The following PSG1 variants were observed in gnomAD, a reference collection of about 807,000 sequenced individuals.
PSG1 encodes pregnancy specific beta-1-glycoprotein 1, also known as pregnancy-specific beta-1-glycoprotein 1.
PSG1 carries 60 observed loss-of-function variants against 41.4 expected under a neutral mutation model. The ratio of observed to expected loss-of-function variants is 1.45; its 90% CI spans 1.18 to 1.80. The LOEUF (loss-of-function observed/expected upper bound fraction) is 1.80. PSG1 is among the 40% of genes most tolerant of loss of function. PSG1 has a pLI of 0.00. For synonymous variants in PSG1, 256 were observed against 192.9 expected, an observed-to-expected ratio of 1.33 and a Z score of -2.71; for missense variants, 806 against 516.9, an observed-to-expected ratio of 1.56 and a Z score of -5.42.
At position 42,869,012 on chromosome 19, in the gene PSG1, G is replaced by A. The variant is rs1337407991; in HGVS notation, c.732C>T (p.Ile244=). ...NLLPKLPKPY[I]TINNLNPREN... ...CCCTGGGGTTTAAGTTGTTGATGGTGATGTAGGGCTTGGGCAGCTTCGCTG... is the reference window on the plus strand; with the variant it reads ...CCCTGGGGTTTAAGTTGTTGATGGTAATGTAGGGCTTGGGCAGCTTCGCTG... The change falls in exon 4 of 6, where the codon ATC becomes ATT. Residue 244 remains isoleucine (I), a synonymous_variant. Transcript: ENST00000436291. 21 of 1,610,758 alleles carry A rather than the reference G, an allele frequency of 1.3e-5. 1 individual carries two copies. Among genetic ancestry groups the A allele is most frequent in the Non-Finnish European group, 1.8e-5 (21 of 1,179,060 alleles).
chr19:42,878,017 A>G lies in PSG1; in HGVS notation c.326T>C (p.Ile109Thr), dbSNP rs1231711248. 1 of 1,612,428 alleles carries G rather than the reference A, an allele frequency of 6.2e-7. No homozygotes were observed. Among genetic ancestry groups the G allele is most frequent in the Admixed American group, 1.7e-5 (1 of 59,886 alleles). The change falls in exon 2 of 6, where the codon ATC becomes ACC. Residue 109 changes from isoleucine to threonine, a missense_variant. By Grantham distance (89) the Ile-to-Thr change is moderately conservative. Coordinates refer to ENST00000436291, the MANE Select transcript of PSG1 (RefSeq NM_001184825.2). ...TGCGTCCTCCCGGGTGACATTCTGG[A>G]TCAGCAGGGATGCATTGGAATATGC... ...ETAYSNASLL[I>T]QNVTREDAGS...
In PSG1 at chr19:42,868,108, T is replaced by A; in HGVS notation, c.1236A>T (p.Glu412Asp). Residue 412 changes from glutamate (E) to aspartate (D), a missense_variant, in exon 5 of 6, where the codon GAA becomes GAT. Glu to Asp is a conservative substitution (Grantham distance 45). Transcript: ENST00000436291. ...ATGCTGGGATCCACTTACCAGAGAC[T>A]TCGACTGTCATGGATTTGGAGCTTT... ...GKESSKSMTVEVSDWTVP is the reference protein window; with the variant it reads ...GKESSKSMTVDVSDWTVP The A allele has an allele frequency of 6.2e-7, 1 of 1,612,404 alleles. No individual in the cohort carries two copies.
At chr19:42,872,751 A>T (rs1272097586) in intron 2 of PSG1, among the ~76,000 whole-genome samples, 1 of 151,742 alleles carries the variant, frequency 6.6e-6, no homozygotes, top group Admixed American at 6.6e-5. Flanking sequence ...CTTTGGACCA[A>T]GACCATGTTC....
intron 2 of PSG1, among the ~76,000 whole-genome samples, chr19:42,875,104 G>A (rs1971549516): frequency 6.6e-6 from 1 of 151,724 alleles, no homozygotes; most frequent in Non-Finnish European, 1.5e-5. Context: ...TCAGTGCAGA[G>A]ATTACAACAG....
intron 2 of PSG1, among the ~76,000 whole-genome samples, chr19:42,877,639 G>A (rs1204654498): frequency 6.6e-6 from 1 of 151,690 alleles, no homozygotes; most frequent in Non-Finnish European, 1.5e-5. Flanking sequence ...AGGGCATGAG[G>A]TGCTTGGCTG....
At chr19:42,867,778 A>G (rs989888020) in intron 5 of PSG1, 1 of 1,023,894 alleles carries the variant, frequency 9.8e-7, no homozygotes. Flanking sequence ...AAATTCCATC[A>G]ATGTAGAAAA....
chr19:42,878,505 C>A (rs995818127), intron 1 of PSG1: 2 of 740,222 alleles, frequency 2.7e-6, no homozygotes, highest in Non-Finnish European at 4.0e-6. Flanking sequence ...AGCAGCATGA[C>A]GCCCATTCCT....
At chr19:42,871,745 C>T (rs1971394049) in intron 3 of PSG1, 22 bp downstream of exon 3, 1 of 1,612,632 alleles carries the variant, frequency 6.2e-7, no homozygotes, top group African/African-American at 1.3e-5. Flanking sequence ...GCCTGGCTCA[C>T]AGAGGAACAG....
chr19:42,871,509 G>C (rs571657990), intron 3 of PSG1, among the ~76,000 whole-genome samples: 5 of 151,844 alleles, frequency 3.3e-5, no homozygotes, highest in African/African-American at 1.2e-4. Flanking sequence ...CACAGATCTG[G>C]AGCCTGAGAC....
chr19:42,870,132 G>A (rs1481386568), intron 3 of PSG1: 3 of 151,800 alleles, frequency 2.0e-5, no homozygotes, highest in Non-Finnish European at 4.4e-5. Context: ...AGTTATGCAA[G>A]GTGGGGAGGT....
chr19:42,878,561 C>T (rs10416386), intron 1 of PSG1: 110,065 of 422,426 alleles, frequency 0.26, 17,917 homozygotes, highest in African/African-American at 0.42. Flanking sequence ...ATCCTCTTCC[C>T]CAGGGGTCCG....
intron 2 of PSG1, among the ~76,000 whole-genome samples, chr19:42,877,496 A>T (rs940065045): frequency 6.6e-6 from 1 of 151,822 alleles, no homozygotes; most frequent in East Asian, 1.9e-4. Context: ...CTTTATCTGG[A>T]ACAAGGATTT....
chr19:42,868,952 A>C lies in PSG1; in HGVS notation c.792T>G (p.Pro264=), dbSNP rs1297279862. 14 of 1,610,266 alleles carry C rather than the reference A, an allele frequency of 8.7e-6. No individual in the cohort carries two copies. ...AAATGTAGGTGTAGTTCTCACTCTT[A>C]GGTTCACAGGTGAAGTTTAAGACAT... ...NKDVLNFTCE[P]KSENYTYIWW... is the part of the protein sequence containing the mutation. Residue 264 remains proline, a synonymous_variant, in exon 4 of 6, where the codon CCT becomes CCG. Transcript: ENST00000436291.
Position 42,878,249 on chromosome 19 carries a change from T to G in PSG1, c.94A>C (p.Thr32Pro), listed in dbSNP as rs756416285. The change falls in exon 2 of 6, where the codon ACC becomes CCC. Residue 32 changes from threonine to proline, a missense_variant. Coordinates refer to ENST00000436291, the MANE Select transcript of PSG1 (RefSeq NM_001184825.2). ...GCTTCAATCGTGACTTGGGCAGTGG[T>G]GGGCAGGTTCCAGAAGTTTAAAAGT... ...ASLLNFWNLP[T>P]TAQVTIEAEP... 1.6e-5 allele frequency: 26 copies of G among 1,609,808 alleles called. No homozygotes were observed. In the Admixed American group the frequency reaches 3.2e-4, roughly 20 times the overall value.
At chr19:42,867,912 A>C in intron 5 of PSG1, 189 bp downstream of exon 5, 7 of 1,500,202 alleles carry the variant, frequency 4.7e-6, no homozygotes, top group Non-Finnish European at 6.3e-6. Context: ...AATATTATGA[A>C]GATATCAGCC....
At position 42,878,029 on chromosome 19, in the gene PSG1, G is replaced by A. The variant is rs1971688863; in HGVS notation, c.314C>T (p.Ala105Val). 3.1e-6 allele frequency: 5 copies of A among 1,612,372 alleles called. No homozygotes were observed. The highest frequency in any genetic ancestry group is 1.6e-4 in the Middle Eastern group (1 of 6,080). Residue 105 changes from alanine (A) to valine (V), a missense_variant, in exon 2 of 6, where the codon GCA becomes GTA. Transcript: ENST00000436291. ...YSGRETAYSN[A>V]SLLIQNVTRE... is the part of the protein sequence containing the mutation. ...GGTGACATTCTGGATCAGCAGGGAT[G>A]CATTGGAATATGCTGTTTCTCGTCC...
At chr19:42,867,312 A>G (rs1971173161) in intron 5 of PSG1, 162 bp from the exon 6 acceptor site, 1 of 649,600 alleles carries the variant, frequency 1.5e-6, no homozygotes, top group African/African-American at 1.8e-5. Context: ...AAATAGGTGG[A>G]GTTTCTTCAA....
At chr19:42,879,405 G>C in intron 1 of PSG1, 113 bp downstream of exon 1, 1 of 1,484,586 alleles carries the variant, frequency 6.7e-7, no homozygotes, top group Non-Finnish European at 9.3e-7. Flanking sequence ...ACCCACCTCA[G>C]ACTCCCAAAG....
chr19:42,877,584 C>T (rs1239503530), intron 2 of PSG1, among the ~76,000 whole-genome samples: 1 of 151,686 alleles, frequency 6.6e-6, no homozygotes, highest in South Asian at 2.1e-4. Context: ...CAGGCCAAGC[C>T]CTACTCAGTT....
Sources: allele counts gnomAD v4.1 joint callset (sites outside exome capture counted in the v4.1 genomes callset), GRCh38; gene constraint gnomAD v4.1.1; transcripts MANE v1.5; gene names NCBI Gene and HGNC (gene_info 2026-07-23, HGNC 2026-07-21).